RBFOX2: variants seen among roughly 807,000 people sequenced by gnomAD.
The protein encoded by RBFOX2 is RNA binding fox-1 homolog 2.
Under a neutral mutation model 49.1 loss-of-function variants are expected in RBFOX2, and 10 were observed. The ratio of observed to expected loss-of-function variants is 0.20; its 90% CI spans 0.13 to 0.35. The LOEUF (loss-of-function observed/expected upper bound fraction) is 0.35. RBFOX2 is among the 10% of genes least tolerant of loss of function. The pLI, the probability that RBFOX2 is intolerant of heterozygous loss-of-function variation, is 1.00. For missense variants in RBFOX2, 323 were observed against 486.9 expected (o/e 0.66, Z 3.17); for synonymous variants, 183 against 187.4 (o/e 0.98, Z 0.19).
intron 2 of RBFOX2, among the ~76,000 whole-genome samples, chr22:35,800,715 CAAG>C (rs1254022092): frequency 6.6e-6 from 1 of 151,448 alleles, no homozygotes; most frequent in Non-Finnish European, 1.5e-5. Context: ...TTTTTTCCCC[CAAG>C]AAGCATTTAC....
chr22:35,921,830 G>T (rs755564720), intron 1 of RBFOX2, among the ~76,000 whole-genome samples: 3 of 152,174 alleles, frequency 2.0e-5, no homozygotes, highest in Non-Finnish European at 2.9e-5. Flanking sequence ...GTGCCTGTCT[G>T]GTAAATTCAT....
At chr22:35,852,596 T>C (rs1228959361) in intron 1 of RBFOX2, among the ~76,000 whole-genome samples, 2 of 152,134 alleles carry the variant, frequency 1.3e-5, no homozygotes, top group Non-Finnish European at 2.9e-5. Flanking sequence ...TACACTTCTG[T>C]CATTTCATAC....
intron 1 of RBFOX2, among the ~76,000 whole-genome samples, chr22:35,991,607 C>T (rs1180622175): frequency 6.6e-6 from 1 of 152,166 alleles, no homozygotes; most frequent in Non-Finnish European, 1.5e-5. Context: ...AATACCATGT[C>T]ACCTACCAAA....
intron 1 of RBFOX2, among the ~76,000 whole-genome samples, chr22:35,888,666 C>T (rs1453329146): frequency 6.6e-6 from 1 of 152,100 alleles, no homozygotes; most frequent in East Asian, 1.9e-4. Flanking sequence ...CAGCAATGAC[C>T]TCCATATTGC....
At chr22:35,755,804 A>G (rs193019502) in intron 9 of RBFOX2, among the ~76,000 whole-genome samples, 99 of 152,254 alleles carry the variant, frequency 6.5e-4, no homozygotes, top group Non-Finnish European at 1.0e-3. Context: ...AAGTAAATTA[A>G]TGATCCACAG....
chr22:35,992,763 A>G (rs2058035623), intron 1 of RBFOX2: 1 of 152,202 alleles, frequency 6.6e-6, no homozygotes, highest in Non-Finnish European at 1.5e-5. Flanking sequence ...AGCTAAGCCA[A>G]AAACAAAACA....
chr22:35,814,688 G>A (rs370974171), intron 1 of RBFOX2, among the ~76,000 whole-genome samples: 4 of 139,054 alleles, frequency 2.9e-5, no homozygotes. Context: ...TCCAGCCTGG[G>A]CGACAGAGTG....
At chr22:35,980,221 C>T (rs1444492584) in intron 1 of RBFOX2, among the ~76,000 whole-genome samples, 1 of 152,170 alleles carries the variant, frequency 6.6e-6, no homozygotes, top group African/African-American at 2.4e-5. Context: ...AACACACACA[C>T]ATCTCTCCAA....
At chr22:35,848,677 T>C (rs1603404680) in intron 1 of RBFOX2, among the ~76,000 whole-genome samples, 1 of 152,198 alleles carries the variant, frequency 6.6e-6, no homozygotes, top group East Asian at 1.9e-4. Context: ...GAGAAATGGC[T>C]ATTTGAAAGA....
chr22:35,985,452 A>G (rs1424658687), intron 1 of RBFOX2, among the ~76,000 whole-genome samples: 2 of 152,170 alleles, frequency 1.3e-5, no homozygotes, highest in Non-Finnish European at 2.9e-5. Context: ...TCCAAAAGAG[A>G]ACAGCCACTA....
upstream of RBFOX2, among the ~76,000 whole-genome samples, chr22:35,844,563 C>T (rs570106135): frequency 4.6e-5 from 7 of 151,998 alleles, no homozygotes; most frequent in African/African-American, 9.6e-5. Context: ...GGCACGATCT[C>T]AGCTCACTGC....
At chr22:35,788,703 C>T (rs1040654423) in intron 2 of RBFOX2, among the ~76,000 whole-genome samples, 1 of 152,202 alleles carries the variant, frequency 6.6e-6, no homozygotes, top group African/African-American at 2.4e-5. Flanking sequence ...TTTCTTCTCT[C>T]TTGCAGCTTG....
At chr22:35,872,528 GGATTTTT>G (rs1243933914) in intron 1 of RBFOX2, among the ~76,000 whole-genome samples, 1 of 152,166 alleles carries the variant, frequency 6.6e-6, no homozygotes, top group Non-Finnish European at 1.5e-5. Flanking sequence ...TTGAGTGGAA[GGATTTTT>G]CCACCAATGT....
chr22:35,893,551 T>C (rs1363000004), intron 1 of RBFOX2, among the ~76,000 whole-genome samples: 2 of 152,178 alleles, frequency 1.3e-5, no homozygotes, highest in Non-Finnish European at 2.9e-5. Flanking sequence ...CCTGCACAGA[T>C]GACTAGTTTA....
chr22:35,979,429 T>C (rs1321598689), intron 1 of RBFOX2, among the ~76,000 whole-genome samples: 3 of 152,186 alleles, frequency 2.0e-5, no homozygotes, highest in Non-Finnish European at 4.4e-5. Flanking sequence ...GCCAGTTATA[T>C]AGGAAAGTCC....
upstream of RBFOX2, among the ~76,000 whole-genome samples, chr22:35,845,321 G>A (rs1448374700): frequency 6.6e-6 from 1 of 151,104 alleles, no homozygotes; most frequent in Non-Finnish European, 1.5e-5. Context: ...TCAAATTACA[G>A]CTAACTCTAT....
At chr22:35,895,444 A>G (rs1003456600) in intron 1 of RBFOX2, among the ~76,000 whole-genome samples, 9 of 152,228 alleles carry the variant, frequency 5.9e-5, no homozygotes, top group African/African-American at 2.2e-4. Context: ...GAACCTGCTC[A>G]GAGCCCACAT....
At chr22:35,775,170 C>T (rs1943578060) in intron 4 of RBFOX2, among the ~76,000 whole-genome samples, 1 of 152,132 alleles carries the variant, frequency 6.6e-6, no homozygotes, top group Non-Finnish European at 1.5e-5. Context: ...TTAGGTGGAT[C>T]CCAGAGGAGG....
intron 1 of RBFOX2, chr22:35,897,502 G>GAT: frequency 2.4e-6 from 2 of 821,804 alleles, no homozygotes; most frequent in Non-Finnish European, 4.4e-6. Flanking sequence ...GCTACCCACT[G>GAT]ATAGGCAAAA....
Sources: allele counts gnomAD v4.1 joint callset (sites outside exome capture counted in the v4.1 genomes callset), GRCh38; gene constraint gnomAD v4.1.1; transcripts MANE v1.5; gene names NCBI Gene and HGNC (gene_info 2026-07-23, HGNC 2026-07-21).